The following ATP9B variants were observed in gnomAD, a reference collection of about 807,000 sequenced individuals.
ATP9B encodes ATPase phospholipid transporting 9B, also known as probable phospholipid-transporting ATPase IIB.
Under a neutral mutation model 146.1 loss-of-function variants are expected in ATP9B, and 110 were observed. The observed-to-expected ratio is 0.75, with a 90% CI of 0.65 to 0.88. ATP9B has a LOEUF of 0.88. Among genes scored for constraint, ATP9B ranks in the 40% least tolerant of loss-of-function variants. The pLI is 0.00. For synonymous variants in ATP9B, 604 were observed against 569.7 expected (o/e 1.06, Z -0.86); for missense variants, 1,499 against 1,496.4 (o/e 1.00, Z -0.03).
In ATP9B at chr18:79,193,187, T is replaced by C; in HGVS notation, c.878T>C (p.Leu293Pro). ...CTQQLPALGD[L>P]FSISAYVYAQ... Reference sequence around the variant, plus strand: ...TTCAAATGTTCTGTATTCCAGGACCTTTTTTCTATCAGTGCTTATGTTTAT... The same window carrying C: ...TTCAAATGTTCTGTATTCCAGGACCCTTTTTCTATCAGTGCTTATGTTTAT... The change falls in exon 9 of 30, where the codon CTT becomes CCT. Residue 293 changes from leucine (L) to proline (P), a missense_variant. By Grantham distance (98) the Leu-to-Pro change is moderately conservative. Transcript: ENST00000426216. 1 of 1,599,642 alleles carries C rather than the reference T, an allele frequency of 6.3e-7. No individual in the cohort carries two copies. The highest frequency in any genetic ancestry group is 8.6e-7 in the Non-Finnish European group (1 of 1,168,752).
intron 17 of ATP9B, among the ~76,000 whole-genome samples, chr18:79,331,215 T>C (rs1265583328): frequency 1.3e-5 from 2 of 152,204 alleles, no homozygotes; most frequent in Non-Finnish European, 2.9e-5. Context: ...TCAGAGATGG[T>C]CTGTCCGTGC....
chr18:79,189,661 AGTACAGTACT>A lies in ATP9B; in HGVS notation c.874-3518_874-3509del, dbSNP rs140607535. 2.7e-3 allele frequency among the ~76,000 whole-genome samples: 419 copies of A among 152,382 alleles called. 2 individuals are homozygous for A. Among genetic ancestry groups the A allele is most frequent in the African/African-American group, 9.6e-3 (398 of 41,592 alleles). Reference sequence around the variant, plus strand: ...TACGGAAGAGAAAATACACTTATATAGTACAGTACTGTATTTTTTGATAGCACAAGTTGAC... The same window carrying A: ...TACGGAAGAGAAAATACACTTATATAGTATTTTTTGATAGCACAAGTTGAC... On this transcript the variant is annotated intron_variant, in intron 8 of 29. Coordinates refer to ENST00000426216, the MANE Select transcript of ATP9B (RefSeq NM_198531.5).
At chr18:79,347,729 G>C in intron 23 of ATP9B, 41 bp from the exon 24 acceptor site, 1 of 1,492,800 alleles carries the variant, frequency 6.7e-7, no homozygotes, top group African/African-American at 1.4e-5. Context: ...GATTTCCAGC[G>C]TCCGCCATGT....
At chr18:79,175,197 CAAAAAAAAAAAA>C (rs536122117) in intron 7 of ATP9B, among the ~76,000 whole-genome samples, 2 of 57,448 alleles carry the variant, frequency 3.5e-5, no homozygotes, top group Non-Finnish European at 7.6e-5. Flanking sequence ...GAGACTGTCT[CAAAAAAAAAAAA>C]AAAAGAAAAA....
intron 11 of ATP9B, among the ~76,000 whole-genome samples, chr18:79,245,704 G>A (rs1032362172): frequency 1.4e-5 from 2 of 146,888 alleles, no homozygotes; most frequent in Non-Finnish European, 3.0e-5. Context: ...TGACTGTGCG[G>A]AGGGTACCGC....
chr18:79,327,450 C>T (rs1465406755), intron 15 of ATP9B, among the ~76,000 whole-genome samples: 1 of 149,962 alleles, frequency 6.7e-6, no homozygotes, highest in African/African-American at 2.5e-5. Context: ...GGTTAGTGTG[C>T]TCCCCATGGT....
chr18:79,289,582 A>G (rs1599653630), intron 13 of ATP9B, among the ~76,000 whole-genome samples: 3 of 152,266 alleles, frequency 2.0e-5, no homozygotes, highest in Non-Finnish European at 1.5e-5. Context: ...AGCTCAGAGT[A>G]GTTTGATCGT....
chr18:79,165,037 C>T (rs564774670), intron 7 of ATP9B, among the ~76,000 whole-genome samples: 11 of 152,224 alleles, frequency 7.2e-5, no homozygotes, highest in Admixed American at 2.6e-4. Flanking sequence ...ATGATTTCTC[C>T]AAATTTGAGA....
intron 5 of ATP9B, among the ~76,000 whole-genome samples, chr18:79,136,873 C>T (rs1415023940): frequency 6.6e-6 from 1 of 152,172 alleles, no homozygotes; most frequent in Non-Finnish European, 1.5e-5. Context: ...CAAACACGTC[C>T]TTCTTCACAT....
At chr18:79,338,483 C>T (rs2096839585) in intron 19 of ATP9B, among the ~76,000 whole-genome samples, 1 of 152,218 alleles carries the variant, frequency 6.6e-6, no homozygotes, top group Non-Finnish European at 1.5e-5. Context: ...CAAGGCAGTG[C>T]CCCGTCTCAT....
chr18:79,373,913 A>G lies in ATP9B; in HGVS notation c.3086A>G (p.Tyr1029Cys), dbSNP rs1354260549. 2 of 1,612,776 alleles carry G rather than the reference A, an allele frequency of 1.2e-6. No individual in the cohort carries two copies. The change falls in exon 28 of 30, where the codon TAT becomes TGT. Residue 1029 changes from tyrosine (Y) to cysteine (C), a missense_variant. Transcript: ENST00000426216. ...TGTTTTTCAGGCGGCATCCTCATGTATGGGGCCCTGGTGCTCTTCGAGTCT... is the reference window on the plus strand; with the variant it reads ...TGTTTTTCAGGCGGCATCCTCATGTGTGGGGCCCTGGTGCTCTTCGAGTCT... ...ISIYQGGILM[Y>C]GALVLFESEF...
intron 10 of ATP9B, 63 bp from the exon 11 acceptor site, chr18:79,213,899 A>G (rs1177439746): frequency 3.4e-6 from 4 of 1,170,572 alleles, no homozygotes; most frequent in Non-Finnish European, 4.8e-6. Flanking sequence ...AATTAATTAG[A>G]AAGTGTTATC....
At chr18:79,281,736 T>C (rs2096379011) in intron 13 of ATP9B, among the ~76,000 whole-genome samples, 1 of 151,738 alleles carries the variant, frequency 6.6e-6, no homozygotes, top group Non-Finnish European at 1.5e-5. Flanking sequence ...TAAAAAAATC[T>C]TCTGGGGCCA....
rs1599741048 is a variant in ATP9B, at chr18:79,126,136, T to C, written c.559-131T>C. On this transcript the variant is annotated intron_variant, in intron 4 of 29. Coordinates refer to ENST00000426216, the MANE Select transcript of ATP9B (RefSeq NM_198531.5). ...TATTTCATTGTTACTTTTTGACTTT[T>C]TTGGTTTTCATTTATTTTATGTTTT... 2.8e-5 allele frequency: 19 copies of C among 689,530 alleles called. No individual in the cohort carries two copies. In the South Asian group the frequency reaches 4.2e-4, roughly 15 times the overall value. The allele number at this position is 689,530 out of a possible 1,614,324, so 42.7% of individuals were successfully genotyped here.
chr18:79,168,813 T>C (rs2095025529), intron 7 of ATP9B, among the ~76,000 whole-genome samples: 1 of 152,094 alleles, frequency 6.6e-6, no homozygotes, highest in Non-Finnish European at 1.5e-5. Flanking sequence ...GCTATGTCTG[T>C]TTCTCCCCTG....
chr18:79,286,435 A>G (rs1315968565), intron 13 of ATP9B, among the ~76,000 whole-genome samples: 2 of 151,628 alleles, frequency 1.3e-5, no homozygotes, highest in African/African-American at 2.4e-5. Flanking sequence ...TTATTGGTGT[A>G]TAAGAATGCT....
At chr18:79,147,926 C>CAAGG (rs994108268) in intron 6 of ATP9B, among the ~76,000 whole-genome samples, 13 of 152,102 alleles carry the variant, frequency 8.5e-5, no homozygotes, top group Non-Finnish European at 4.4e-5. Context: ...AGACCTTTAG[C>CAAGG]AAGGAAGACT....
intron 15 of ATP9B, among the ~76,000 whole-genome samples, chr18:79,325,990 G>T (rs879048630): frequency 1.5e-5 from 2 of 129,990 alleles, no homozygotes; most frequent in Non-Finnish European, 3.2e-5. Flanking sequence ...ATGGTGTTAG[G>T]GTGTCATCTC....
intron 11 of ATP9B, among the ~76,000 whole-genome samples, chr18:79,219,186 A>T (rs2095655517): frequency 6.6e-6 from 1 of 152,138 alleles, no homozygotes; most frequent in South Asian, 2.1e-4. Flanking sequence ...CAGTACGTTT[A>T]TTAGGGTGGG....
Sources: gnomAD v4.1 joint callset for allele counts (sites outside exome capture counted in the v4.1 genomes callset) on GRCh38, gnomAD v4.1.1 for gene constraint, MANE v1.5 for transcripts, NCBI Gene and HGNC (gene_info 2026-07-23, HGNC 2026-07-21) for gene names.